Variants in NECAB2 observed in about 807,000 individuals in gnomAD.
NECAB2 encodes N-terminal EF-hand calcium binding protein 2, also known as N-terminal EF-hand calcium-binding protein 2.
In NECAB2, 68 loss-of-function variants were observed where a neutral mutation model predicts 51.9. The observed-to-expected ratio is 1.31, with a 90% CI of 1.08 to 1.60. NECAB2 has a LOEUF of 1.60. NECAB2 is among the 40% of genes most tolerant of loss of function. The probability of loss-of-function intolerance (pLI) is 0.00; values close to 1 mark genes in which losing one functional copy is unlikely to be tolerated. For synonymous variants in NECAB2, 329 were observed against 203.5 expected, an observed-to-expected ratio of 1.62 and a Z score of -5.25; for missense variants, 854 against 490.3, an observed-to-expected ratio of 1.74 and a Z score of -7.00.
At chr16:83,986,262 C>G (rs998657362) in intron 5 of NECAB2, among the ~76,000 whole-genome samples, 2 of 152,182 alleles carry the variant, frequency 1.3e-5, no homozygotes, top group Non-Finnish European at 2.9e-5. Context: ...GGTGTTCCAC[C>G]CGCCTCAGTC....
Position 83,968,622 on chromosome 16 carries a change from C to A in NECAB2, c.-27C>A. ...CAGCTGGGCGGGGGTCGGCGGGCTT[C>A]CGGGCGGCGGCGGCGGGCGCGGCGC... is the stretch of plus-strand genomic sequence containing the variant. On this transcript the variant is annotated 5_prime_UTR_variant, in exon 1 of 13. Transcript: ENST00000305202. The A allele has an allele frequency of 1.0e-6, 1 of 978,558 alleles. No homozygotes were observed. The allele number at this position is 978,558 out of a possible 1,614,324, so 60.6% of individuals were successfully genotyped here. A position where few individuals can be genotyped will look rare whatever the true frequency, so the allele number is the denominator to read the frequency against.
rs2084853878 is a variant in NECAB2 at position 84,002,302 on chromosome 16, GTC to G, written c.1133-9_1133-8del. 5.0e-6 allele frequency: 8 copies of G among 1,613,644 alleles called. No homozygotes were observed. The highest frequency in any genetic ancestry group is 1.7e-5 in the Admixed American group (1 of 59,992). ...CATTCGCACTCCTTCCCTCTAACGT[GTC>G]TCTCTCCTTTTAGCTGCTTGGTGCA... is the stretch of plus-strand genomic sequence containing the variant. On this transcript the variant is annotated splice_polypyrimidine_tract_variant and intron_variant, in intron 12 of 12. Transcript: ENST00000305202.
rs371169483 is a variant in NECAB2, at chr16:84,002,270, C to G, written c.1133-48C>G. 3.2e-4 allele frequency: 506 copies of G among 1,604,172 alleles called. 1 individual carries two copies. Among genetic ancestry groups the G allele is most frequent in the Non-Finnish European group, 4.1e-4 (479 of 1,171,618 alleles). ...AAGACGACCACCACCAGCTACGAGG[C>G]TGCCCACATTCGCACTCCTTCCCTC... On this transcript the variant is annotated intron_variant, in intron 12 of 12. Transcript: ENST00000305202.
intron 9 of NECAB2, among the ~76,000 whole-genome samples, chr16:83,997,723 A>T (rs968251958): frequency 6.6e-6 from 1 of 151,854 alleles, no homozygotes; most frequent in South Asian, 2.1e-4. Context: ...TCAAACTCCT[A>T]TCCTCATGAT....
intron 11 of NECAB2, 53 bp downstream of exon 11, chr16:84,000,854 G>C: frequency 6.4e-7 from 1 of 1,571,688 alleles, no homozygotes; most frequent in Non-Finnish European, 8.7e-7. Flanking sequence ...AAGTGGGGGG[G>C]CTGTCTTCCT....
chr16:83,978,717 G>T (rs1457332010), intron 3 of NECAB2, among the ~76,000 whole-genome samples, 165 bp downstream of exon 3: 1 of 152,002 alleles, frequency 6.6e-6, no homozygotes, highest in African/African-American at 2.4e-5. Context: ...GGTGAATGGG[G>T]CGTGTGCAGA....
intron 1 of NECAB2, among the ~76,000 whole-genome samples, chr16:83,970,837 A>G (rs927680677): frequency 6.6e-6 from 1 of 152,166 alleles, no homozygotes; most frequent in Non-Finnish European, 1.5e-5. Flanking sequence ...TCACGCCTGT[A>G]ATCCCAGCAC....
chr16:83,972,235 G>A (rs2151084464), intron 2 of NECAB2, 60 bp downstream of exon 2: 1 of 1,610,942 alleles, frequency 6.2e-7, no homozygotes, highest in Non-Finnish European at 8.5e-7. Flanking sequence ...GCTTCATGGG[G>A]AAGGGATCAG....
intron 5 of NECAB2, among the ~76,000 whole-genome samples, chr16:83,986,941 A>G (rs1412910451): frequency 2.6e-5 from 4 of 152,174 alleles, no homozygotes; most frequent in African/African-American, 9.7e-5. Context: ...ACAATGTTCA[A>G]TATGTGGGTG....
At chr16:83,997,123 G>C in intron 8 of NECAB2, 93 bp from the exon 9 acceptor site, 2 of 1,502,644 alleles carry the variant, frequency 1.3e-6, no homozygotes, top group Non-Finnish European at 1.8e-6. Flanking sequence ...GTCCTTGGGA[G>C]CTCCCAACAG....
At chr16:83,971,537 G>C (rs554001328) in intron 1 of NECAB2, 1 of 153,024 alleles carries the variant, frequency 6.5e-6, no homozygotes, top group East Asian at 1.9e-4. Context: ...GTTCAGGCCA[G>C]CCTTGGAGCT....
At chr16:83,987,171 G>GA (rs1485044630) in intron 5 of NECAB2, among the ~76,000 whole-genome samples, 1 of 152,080 alleles carries the variant, frequency 6.6e-6, no homozygotes, top group Non-Finnish European at 1.5e-5. Flanking sequence ...AGATAAACTA[G>GA]AAAAAATAGT....
intron 5 of NECAB2, among the ~76,000 whole-genome samples, chr16:83,985,229 C>T (rs1049895592): frequency 1.5e-5 from 2 of 136,210 alleles, no homozygotes; most frequent in Non-Finnish European, 3.1e-5. Flanking sequence ...AGGAGAATCA[C>T]TTGAACCCGG....
chr16:84,000,907 T>G (rs578163225), intron 11 of NECAB2, 106 bp downstream of exon 11: 2 of 1,129,972 alleles, frequency 1.8e-6, no homozygotes, highest in Non-Finnish European at 2.6e-6. Context: ...CCGAGTCCAG[T>G]CAGCAGATTC....
upstream of NECAB2, among the ~76,000 whole-genome samples, chr16:83,967,740 A>G (rs183659270): frequency 8.1e-4 from 104 of 128,186 alleles, no homozygotes; most frequent in African/African-American, 1.8e-3. Context: ...GGATGGATGG[A>G]TGGATGGGAG....
chr16:83,975,051 A>G (rs1170661903), intron 2 of NECAB2, among the ~76,000 whole-genome samples: 42 of 110,068 alleles, frequency 3.8e-4, no homozygotes, highest in South Asian at 1.0e-3. Flanking sequence ...TGCAGGGATG[A>G]GAGCAGGTGT....
Position 83,999,346 on chromosome 16 carries a change from G to A in NECAB2, c.962+1029G>A, listed in dbSNP as rs941807145. 7.9e-5 allele frequency among the ~76,000 whole-genome samples: 12 copies of A among 152,270 alleles called. No homozygotes were observed. In the East Asian group the frequency reaches 1.2e-3, roughly 15 times the overall value. On this transcript the variant is annotated intron_variant, in intron 10 of 12. Transcript: ENST00000305202. ...GCCAGACTTGATCTTTTTCCATTAC[G>A]TGAATAAGTGGGAGGCTCCAGGGTG...
intron 8 of NECAB2, among the ~76,000 whole-genome samples, chr16:83,995,795 T>C (rs968646752): frequency 4.6e-5 from 7 of 152,172 alleles, no homozygotes; most frequent in African/African-American, 1.7e-4. Flanking sequence ...AAGCTCAAAC[T>C]TCCCCTCCTG....
At chr16:84,002,194 A>T in intron 12 of NECAB2, 124 bp from the exon 13 acceptor site, 1 of 1,269,236 alleles carries the variant, frequency 7.9e-7, no homozygotes, top group Non-Finnish European at 1.1e-6. Flanking sequence ...GTGACCAGCA[A>T]GGACCTGTGT....
Sources: gnomAD v4.1 joint callset for allele counts (sites outside exome capture counted in the v4.1 genomes callset) on GRCh38, gnomAD v4.1.1 for gene constraint, MANE v1.5 for transcripts, NCBI Gene and HGNC (gene_info 2026-07-23, HGNC 2026-07-21) for gene names.